The following USP37 variants were observed in gnomAD, a reference collection of about 807,000 sequenced individuals.
The protein encoded by USP37 is ubiquitin carboxyl-terminal hydrolase 37.
USP37 carries 27 observed loss-of-function variants against 124.0 expected under a neutral mutation model. The ratio of observed to expected loss-of-function variants is 0.22; its 90% CI spans 0.16 to 0.30. The LOEUF (loss-of-function observed/expected upper bound fraction) is 0.30. USP37 is among the 10% of genes least tolerant of loss of function. The probability of loss-of-function intolerance (pLI) is 1.00; values close to 1 mark genes in which losing one functional copy is unlikely to be tolerated. For missense variants in USP37, 889 were observed against 1,140.4 expected, an observed-to-expected ratio of 0.78 and a Z score of 3.17; for synonymous variants, 365 against 388.0, an observed-to-expected ratio of 0.94 and a Z score of 0.70.
intron 10 of USP37, among the ~76,000 whole-genome samples, chr2:218,521,449 C>T (rs1032947311): frequency 2.0e-5 from 3 of 152,062 alleles, no homozygotes; most frequent in South Asian, 2.1e-4. Context: ...TTTTAAGCCC[C>T]GCATGCATTA....
At chr2:218,509,458 A>G (rs1489750368) in intron 11 of USP37, among the ~76,000 whole-genome samples, 2 of 152,188 alleles carry the variant, frequency 1.3e-5, no homozygotes, top group Non-Finnish European at 2.9e-5. Context: ...TTTAGGTAAT[A>G]GAGCTACTGG....
chr2:218,481,973 G>A, intron 17 of USP37, 97 bp downstream of exon 17: 2 of 1,373,726 alleles, frequency 1.5e-6, no homozygotes, highest in Non-Finnish European at 2.0e-6. Flanking sequence ...ATTTTACCTT[G>A]GAGTCATATT....
rs76592198 is a variant in USP37 at position 218,467,459 on chromosome 2, C to T, written c.2300-1283G>A. 8.3e-3 allele frequency among the ~76,000 whole-genome samples: 1,256 copies of T among 152,202 alleles called. 18 individuals carry two copies. The highest frequency in any genetic ancestry group is 0.028 in the African/African-American group (1,170 of 41,484). On this transcript the variant is annotated intron_variant, in intron 20 of 25. Transcript: ENST00000258399. ...TGCCTCTAGGGTTCCAGCGATTCTC[C>T]TGCTTCAGCCTTCCGCGTAGCTGGG...
intron 3 of USP37, 77 bp from the exon 4 acceptor site, chr2:218,558,754 G>C: frequency 1.8e-6 from 2 of 1,114,884 alleles, no homozygotes; most frequent in Non-Finnish European, 1.3e-6. Context: ...TAACTTACTA[G>C]TAATTAATTT....
chr2:218,548,729 C>A (rs1692510722), intron 6 of USP37, among the ~76,000 whole-genome samples: 1 of 94,346 alleles, frequency 1.1e-5, no homozygotes, highest in Admixed American at 1.1e-4. Flanking sequence ...AGTATTTATC[C>A]TTAATATGTA....
At position 218,562,749 on chromosome 2, in the gene USP37, C is replaced by A. The variant is rs1693372607; in HGVS notation, c.-165G>T. 1 of 398,590 alleles carries A rather than the reference C, an allele frequency of 2.5e-6. No homozygotes were observed. 24.7% of individuals were successfully genotyped at this position (398,590 alleles called of 1,614,324 possible). A position where few individuals can be genotyped will look rare whatever the true frequency, so the allele number is the denominator to read the frequency against. On this transcript the variant is annotated 5_prime_UTR_variant, in exon 2 of 26. Transcript: ENST00000258399. ...TCTGATCCTTGTGCCAAAGGCAAAG[C>A]ACTCTTCTTGGGACACTACTCATAT...
rs1689469473 is a variant in USP37, at chr2:218,451,233, C to CAT, written c.*3695_*3696dup. ...GCAAAATGGGGAGGAAAAAGACATC[C>CAT]ATCCATTTTATTGGAACACTTTTAT... On this transcript the variant is annotated 3_prime_UTR_variant, in exon 26 of 26. Coordinates refer to ENST00000258399, the MANE Select transcript of USP37 (RefSeq NM_020935.3). 1 of 152,108 alleles carries CAT rather than the reference C, an allele frequency of 6.6e-6. No individual in the cohort carries two copies. Among genetic ancestry groups the CAT allele is most frequent in the Admixed American group, 6.6e-5 (1 of 15,266 alleles). The allele number at this position is 152,108 out of a possible 1,614,324, so 9.4% of individuals were successfully genotyped here.
chr2:218,520,362 T>C (rs904797320), intron 10 of USP37, among the ~76,000 whole-genome samples: 1 of 151,612 alleles, frequency 6.6e-6, no homozygotes, highest in African/African-American at 2.4e-5. Context: ...TTTTTTTTTT[T>C]TCCAGAGACA....
At chr2:218,515,688 C>G (rs1690238632) in intron 10 of USP37, among the ~76,000 whole-genome samples, 1 of 152,084 alleles carries the variant, frequency 6.6e-6, no homozygotes, top group Non-Finnish European at 1.5e-5. Flanking sequence ...AAAGCCAAAA[C>G]AGACAAATGG....
At position 218,453,277 on chromosome 2, in the gene USP37, T is replaced by TA. The variant is rs34459693; in HGVS notation, c.*1652dup. 39 of 152,124 alleles carry TA rather than the reference T, an allele frequency of 2.6e-4. No homozygotes were observed. The highest frequency in any genetic ancestry group is 7.7e-4 in the African/African-American group (32 of 41,492). 9.4% of individuals were successfully genotyped at this position (152,124 alleles called of 1,614,324 possible). ...TTTTTGTTTTTGTTTTCGTTTTTTT[T>TA]AATGAGATGGAGTCTCACTCTGTCA... On this transcript the variant is annotated 3_prime_UTR_variant, in exon 26 of 26. Transcript: ENST00000258399.
At chr2:218,522,223 C>G (rs1690692448) in intron 10 of USP37, among the ~76,000 whole-genome samples, 1 of 151,836 alleles carries the variant, frequency 6.6e-6, no homozygotes, top group South Asian at 2.1e-4. Context: ...CTTCTTAGGC[C>G]TTCTTCAAAA....
chr2:218,463,689 CCACGTCTAG>C lies in USP37; in HGVS notation c.2467-332_2467-324del, dbSNP rs1344786406. The stretch of plus-strand genomic sequence containing the variant: ...TAGCTGGGACTACAGGCGCCCGCCA[CCACGTCTAG>C]CTAATTTTTTGTATTTTTAGTAGAG... On this transcript the variant is annotated intron_variant, in intron 21 of 25. Coordinates refer to ENST00000258399, the MANE Select transcript of USP37 (RefSeq NM_020935.3). Among the ~76,000 whole-genome samples, 4 of 151,454 alleles carry C rather than the reference CCACGTCTAG, an allele frequency of 2.6e-5. 1 individual carries two copies. Among genetic ancestry groups the C allele is most frequent in the Non-Finnish European group, 5.9e-5 (4 of 67,906 alleles).
chr2:218,505,083 C>T (rs74737572), intron 11 of USP37, among the ~76,000 whole-genome samples: 1,888 of 152,168 alleles, frequency 0.012, 46 homozygotes, highest in African/African-American at 0.043. Flanking sequence ...GGTGTGACCA[C>T]GGTTCACCGT....
intron 22 of USP37, among the ~76,000 whole-genome samples, chr2:218,460,664 C>G (rs1056230128): frequency 2.6e-5 from 4 of 151,858 alleles, no homozygotes; most frequent in Non-Finnish European, 1.5e-5. Flanking sequence ...ATTTCTTGGC[C>G]GAGTGTGGTG....
chr2:218,562,835 T>C (rs1693375360), intron 1 of USP37, 22 bp from the exon 2 acceptor site: 1 of 398,050 alleles, frequency 2.5e-6, no homozygotes, highest in South Asian at 1.3e-4. Flanking sequence ...AAAAATGTGC[T>C]TTTTAAAAAG....
chr2:218,470,966 AGAGG>A (rs1690648987), intron 20 of USP37, among the ~76,000 whole-genome samples: 1 of 152,162 alleles, frequency 6.6e-6, no homozygotes, highest in African/African-American at 2.4e-5. Context: ...AGGGAGGGAG[AGAGG>A]GAGGGAGAAA....
intron 5 of USP37, among the ~76,000 whole-genome samples, chr2:218,552,387 A>G (rs183650162): frequency 5.9e-5 from 9 of 152,304 alleles, no homozygotes; most frequent in Non-Finnish European, 1.0e-4. Context: ...ATGTGATAGT[A>G]GAGAACTCAT....
intron 5 of USP37, among the ~76,000 whole-genome samples, chr2:218,550,170 CAAAGCAAAAAAAAAGCT>C: frequency 6.6e-6 from 1 of 150,554 alleles, no homozygotes; most frequent in African/African-American, 2.4e-5. Context: ...CTAAAATTTA[CAAAGCAAAAAAAAAGCT>C]AGAATAAACA....
intron 11 of USP37, chr2:218,500,732 A>T (rs1243242753): frequency 6.6e-6 from 1 of 151,438 alleles, no homozygotes; most frequent in Non-Finnish European, 1.5e-5. Context: ...CCTCATGATG[A>T]GATTCAGCCT....
Sources: gnomAD v4.1 joint callset for allele counts (sites outside exome capture counted in the v4.1 genomes callset) on GRCh38, gnomAD v4.1.1 for gene constraint, MANE v1.5 for transcripts, NCBI Gene and HGNC (gene_info 2026-07-23, HGNC 2026-07-21) for gene names.